The following CREB5 variants were observed in gnomAD, a reference collection of about 807,000 sequenced individuals.
The protein encoded by CREB5 is cyclic AMP-responsive element-binding protein 5.
In CREB5, 19 loss-of-function variants were observed where a neutral mutation model predicts 57.1. The observed-to-expected ratio is 0.33, with a 90% CI of 0.23 to 0.49. The LOEUF is 0.49. Among genes scored for constraint, CREB5 ranks in the 20% least tolerant of loss-of-function variants. The pLI is 0.99. For synonymous variants in CREB5, 238 were observed against 238.3 expected (o/e 1.00, Z 0.01); for missense variants, 579 against 671.6 (o/e 0.86, Z 1.52).
intron 1 of CREB5, among the ~76,000 whole-genome samples, chr7:28,333,373 A>C (rs983576581): frequency 6.6e-6 from 1 of 152,234 alleles, no homozygotes; most frequent in African/African-American, 2.4e-5. Context: ...CATCAACTCA[A>C]GCATTTATCC....
intron 4 of CREB5, among the ~76,000 whole-genome samples, chr7:28,559,856 GA>G: frequency 6.6e-6 from 1 of 152,332 alleles, no homozygotes; most frequent in Non-Finnish European, 1.5e-5. Flanking sequence ...ATTGTACAGT[GA>G]ACTGGAAATA....
chr7:28,614,458 G>A (rs1301258023), intron 5 of CREB5, among the ~76,000 whole-genome samples: 5 of 152,116 alleles, frequency 3.3e-5, no homozygotes, highest in Non-Finnish European at 7.3e-5. Flanking sequence ...GTGAGACTAT[G>A]CTCTTTCCAA....
chr7:28,348,038 G>A (rs1051173818), intron 1 of CREB5, among the ~76,000 whole-genome samples: 1 of 152,118 alleles, frequency 6.6e-6, no homozygotes, highest in South Asian at 2.1e-4. Context: ...GTTCCCAGGT[G>A]TGAGCTATGA....
chr7:28,472,894 T>TG (rs1790890020), intron 1 of CREB5, among the ~76,000 whole-genome samples: 1 of 152,226 alleles, frequency 6.6e-6, no homozygotes, highest in South Asian at 2.1e-4. Context: ...TTGTGGACCA[T>TG]GCTGCAGCCT....
At chr7:28,538,938 T>C (rs1429508180) in intron 4 of CREB5, among the ~76,000 whole-genome samples, 5 of 152,244 alleles carry the variant, frequency 3.3e-5, no homozygotes, top group African/African-American at 9.6e-5. Context: ...CTTAATTCCA[T>C]TGTGATCAGG....
At chr7:28,459,114 C>T (rs1294393972) in intron 1 of CREB5, among the ~76,000 whole-genome samples, 1 of 152,170 alleles carries the variant, frequency 6.6e-6, no homozygotes, top group African/African-American at 2.4e-5. Flanking sequence ...CATCCACTAA[C>T]GCCCCAGTGA....
chr7:28,401,723 T>A (rs1190302416), intron 1 of CREB5, among the ~76,000 whole-genome samples: 1 of 152,206 alleles, frequency 6.6e-6, no homozygotes, highest in Non-Finnish European at 1.5e-5. Flanking sequence ...TCATCCATGT[T>A]CCTACAAAGG....
At chr7:28,739,632 A>C (rs1044343091) in intron 7 of CREB5, among the ~76,000 whole-genome samples, 5 of 152,162 alleles carry the variant, frequency 3.3e-5, no homozygotes, top group Admixed American at 6.5e-5. Context: ...ATTACCAGAA[A>C]AGCATATTCG....
intron 1 of CREB5, among the ~76,000 whole-genome samples, chr7:28,349,713 C>G (rs1039245308): frequency 6.6e-6 from 1 of 152,054 alleles, no homozygotes; most frequent in African/African-American, 2.4e-5. Flanking sequence ...TGGAGGGACA[C>G]CAGGAGAGGA....
chr7:28,485,986 G>A (rs1414525109), intron 1 of CREB5, among the ~76,000 whole-genome samples: 2 of 152,120 alleles, frequency 1.3e-5, no homozygotes, highest in Non-Finnish European at 2.9e-5. Flanking sequence ...CAAGCAGAAA[G>A]ATCCCAAAGA....
chr7:28,738,129 C>T (rs62442172), intron 7 of CREB5, among the ~76,000 whole-genome samples: 16,856 of 152,118 alleles, frequency 0.11, 1,200 homozygotes, highest in Non-Finnish European at 0.16. Context: ...AATTCCACCA[C>T]CTAAAATAGA....
intron 4 of CREB5, among the ~76,000 whole-genome samples, chr7:28,553,584 G>A (rs1406828976): frequency 6.6e-6 from 1 of 152,202 alleles, no homozygotes; most frequent in East Asian, 1.9e-4. Flanking sequence ...CATAGAGGCA[G>A]TCCTGTTTTC....
chr7:28,536,414 G>T (rs1020537378), intron 4 of CREB5, among the ~76,000 whole-genome samples: 1 of 152,152 alleles, frequency 6.6e-6, no homozygotes, highest in Admixed American at 6.5e-5. Context: ...CAACTGCAGC[G>T]CTCCCTTCCA....
At chr7:28,356,659 T>C (rs1786350621) in intron 1 of CREB5, among the ~76,000 whole-genome samples, 1 of 152,192 alleles carries the variant, frequency 6.6e-6, no homozygotes, top group African/African-American at 2.4e-5. Context: ...CATGTAAAAG[T>C]ACAGGTAGAT....
At chr7:28,810,626 G>A (rs1005641435) in intron 9 of CREB5, among the ~76,000 whole-genome samples, 4 of 152,120 alleles carry the variant, frequency 2.6e-5, no homozygotes, top group East Asian at 1.9e-4. Context: ...AATGCAGGAG[G>A]GAGAGGCTGT....
chr7:28,470,299 C>A (rs965645675), intron 1 of CREB5, among the ~76,000 whole-genome samples: 1 of 152,104 alleles, frequency 6.6e-6, no homozygotes, highest in African/African-American at 2.4e-5. Flanking sequence ...ATTTTTAGAT[C>A]CCATGAAGAA....
Position 28,824,723 on chromosome 7 carries a change from T to C in CREB5, c.*5444T>C, listed in dbSNP as rs1447737698. 1 of 152,648 alleles carries C rather than the reference T, an allele frequency of 6.6e-6. No homozygotes were observed. Among genetic ancestry groups the C allele is most frequent in the African/African-American group, 2.4e-5 (1 of 41,466 alleles). The allele number at this position is 152,648 out of a possible 1,614,324, so 9.5% of individuals were successfully genotyped here. A position where few individuals can be genotyped will look rare whatever the true frequency, so the allele number is the denominator to read the frequency against. ...GATGTAATGCTTGTAGCCAAATTGC[T>C]TAAAGAGTGTTTATATATTTTTTTC... On this transcript the variant is annotated 3_prime_UTR_variant, in exon 11 of 11. Coordinates refer to ENST00000357727, the MANE Select transcript of CREB5 (RefSeq NM_182898.4).
chr7:28,400,581 G>A (rs1342598675), intron 1 of CREB5, among the ~76,000 whole-genome samples: 1 of 152,170 alleles, frequency 6.6e-6, no homozygotes, highest in East Asian at 1.9e-4. Context: ...CCAGGAAGGG[G>A]GAGGAGAGCC....
intron 3 of CREB5, 84 bp downstream of exon 3, chr7:28,495,083 C>T: frequency 1.1e-6 from 1 of 876,046 alleles, no homozygotes; most frequent in Non-Finnish European, 1.7e-6. Context: ...TAGGCGAGTC[C>T]CACTGGTAAA....
Sources: gnomAD v4.1 joint callset for allele counts (sites outside exome capture counted in the v4.1 genomes callset) on GRCh38, gnomAD v4.1.1 for gene constraint, MANE v1.5 for transcripts, NCBI Gene and HGNC (gene_info 2026-07-23, HGNC 2026-07-21) for gene names.